Variants in ARHGEF37 observed in about 807,000 individuals in gnomAD.
ARHGEF37 encodes the protein Rho guanine nucleotide exchange factor 37, also known as Rho guanine nucleotide exchange factor (GEF) 37.
Under a neutral mutation model 71.1 loss-of-function variants are expected in ARHGEF37, and 55 were observed. The observed-to-expected ratio is 0.77, with a 90% CI of 0.62 to 0.97. The LOEUF (loss-of-function observed/expected upper bound fraction) is 0.97. Among genes scored for constraint, ARHGEF37 ranks in the 50% least tolerant of loss-of-function variants. ARHGEF37 has a pLI of 0.00. For missense variants in ARHGEF37, 765 were observed against 836.8 expected (o/e 0.91, Z 1.06); for synonymous variants, 327 against 350.6 (o/e 0.93, Z 0.75).
intron 2 of ARHGEF37, among the ~76,000 whole-genome samples, chr5:149,598,737 C>CATATATATATATATATAT (rs201234693): frequency 9.7e-4 from 101 of 104,582 alleles, no homozygotes; most frequent in Middle Eastern, 4.7e-3. Flanking sequence ...AAATAAATCT[C>CATATATATATATATATAT]ATATATATAT....
chr5:149,583,104 A>G (rs1763148767), intron 1 of ARHGEF37, among the ~76,000 whole-genome samples: 1 of 152,142 alleles, frequency 6.6e-6, no homozygotes, highest in South Asian at 2.1e-4. Context: ...CCTCTTTCAA[A>G]TGGGGTCAAC....
At chr5:149,618,614 G>A (rs1561805544) in intron 6 of ARHGEF37, among the ~76,000 whole-genome samples, 1 of 152,222 alleles carries the variant, frequency 6.6e-6, no homozygotes. Context: ...TGGAGTGCCT[G>A]CTCTGAAACC....
intron 1 of ARHGEF37, among the ~76,000 whole-genome samples, chr5:149,565,546 T>C (rs1202605944): frequency 6.6e-6 from 1 of 152,178 alleles, no homozygotes; most frequent in Non-Finnish European, 1.5e-5. Context: ...GACACTGAAA[T>C]ATACCTAGCC....
In ARHGEF37 at chr5:149,634,733, G is replaced by A. The variant is rs1752983002; in HGVS notation, c.*2542G>A. 6.6e-6 allele frequency: 1 copy of A among 152,552 alleles called. No individual in the cohort carries two copies. The allele number at this position is 152,552 out of a possible 1,614,324, so 9.4% of individuals were successfully genotyped here. A position where few individuals can be genotyped will look rare whatever the true frequency, so the allele number is the denominator to read the frequency against. On this transcript the variant is annotated 3_prime_UTR_variant, in exon 13 of 13. Coordinates refer to ENST00000333677, the MANE Select transcript of ARHGEF37 (RefSeq NM_001001669.3). ...TCATACTAAACTTGCAAAGATATTTGCCTATGAACTGAACAAGACTTCCAG... is the reference window on the plus strand; with the variant it reads ...TCATACTAAACTTGCAAAGATATTTACCTATGAACTGAACAAGACTTCCAG...
intron 3 of ARHGEF37, among the ~76,000 whole-genome samples, chr5:149,601,590 C>T (rs1011835165): frequency 2.6e-5 from 4 of 152,170 alleles, no homozygotes; most frequent in Non-Finnish European, 4.4e-5. Context: ...AGAGTCTGAG[C>T]TTCTATTCTC....
Position 149,609,664 on chromosome 5 carries a change from C to T in ARHGEF37, c.427C>T (p.Arg143Trp), listed in dbSNP as rs770631740. 1.4e-5 allele frequency: 23 copies of T among 1,612,466 alleles called. No homozygotes were observed. The East Asian group carries it at 2.2e-4, about 16-fold the overall frequency. ...DTYRKEPELQ[R>W]HIQGIVEAVV... ...GTACCGGAAGGAGCCGGAGCTGCAGCGGCACATCCAGGGCATCGTTGAGGC... is the reference window on the plus strand; with the variant it reads ...GTACCGGAAGGAGCCGGAGCTGCAGTGGCACATCCAGGGCATCGTTGAGGC... Residue 143 changes from arginine (R) to tryptophan (W), a missense_variant, in exon 4 of 13, where the codon CGG becomes TGG. Arg to Trp is a moderately radical substitution (Grantham distance 101, BLOSUM62 -3). Coordinates refer to ENST00000333677, the MANE Select transcript of ARHGEF37 (RefSeq NM_001001669.3).
chr5:149,594,510 C>G (rs1763492472), intron 1 of ARHGEF37, among the ~76,000 whole-genome samples: 1 of 152,238 alleles, frequency 6.6e-6, no homozygotes, highest in Non-Finnish European at 1.5e-5. Context: ...TTTATGTACT[C>G]TCCGATCTAT....
chr5:149,577,102 T>C (rs1232136185), upstream of ARHGEF37, among the ~76,000 whole-genome samples: 2 of 152,168 alleles, frequency 1.3e-5, no homozygotes, highest in African/African-American at 4.8e-5. Flanking sequence ...AGTAGTAGAC[T>C]TGGCTTCAAA....
At chr5:149,616,409 C>T (rs1334034628) in intron 4 of ARHGEF37, among the ~76,000 whole-genome samples, 158 bp from the exon 5 acceptor site, 1 of 152,164 alleles carries the variant, frequency 6.6e-6, no homozygotes, top group African/African-American at 2.4e-5. Flanking sequence ...ACATCTAGAA[C>T]TCACAAGTTA....
chr5:149,622,569 T>A (rs1175280301), intron 9 of ARHGEF37, among the ~76,000 whole-genome samples: 4 of 152,180 alleles, frequency 2.6e-5, no homozygotes, highest in Non-Finnish European at 5.9e-5. Flanking sequence ...ATACTCATTT[T>A]AAAAATAAAG....
In ARHGEF37 at chr5:149,616,618, G is replaced by A; in HGVS notation, c.510G>A (p.Gln170=). ...GLSFLLVIPL[Q]RITRYPLLLQ... ...GTTTCTTGCTGGTAATTCCTCTGCA[G>A]AGGATCACCAGGTACCCACTGCTGC... is the stretch of plus-strand genomic sequence containing the variant. Residue 170 remains glutamine (Q), a synonymous_variant, in exon 5 of 13, where the codon CAG becomes CAA. Transcript: ENST00000333677. 1 of 1,612,874 alleles carries A rather than the reference G, an allele frequency of 6.2e-7. No homozygotes were observed. The highest frequency in any genetic ancestry group is 8.5e-7 in the Non-Finnish European group (1 of 1,179,712).
At chr5:149,616,866 C>T (rs1752398057) in intron 5 of ARHGEF37, 100 bp downstream of exon 5, 2 of 1,217,580 alleles carry the variant, frequency 1.6e-6, no homozygotes, top group Middle Eastern at 2.0e-4. Context: ...AATGTAGTGG[C>T]TTATGTAACT....
In ARHGEF37 at chr5:149,575,339, CTG is replaced by C. The variant is rs1300006758; in HGVS notation, c.-11-22418_-11-22417del. Among the ~76,000 whole-genome samples, 5 of 152,354 alleles carry C rather than the reference CTG, an allele frequency of 3.3e-5. No individual in the cohort carries two copies. In the East Asian group the frequency reaches 5.8e-4, roughly 18 times the overall value. ...ATTTCCCTATAGAATTGCCAACTCC[CTG>C]TTGTAGCAGACACCGTTGGCTGCCT... On this transcript the variant is annotated intron_variant, in intron 1 of 2. Coordinates refer to the ARHGEF37 transcript ENST00000505810.
At chr5:149,595,571 A>C (rs2113298287) in intron 1 of ARHGEF37, among the ~76,000 whole-genome samples, 1 of 151,982 alleles carries the variant, frequency 6.6e-6, no homozygotes, top group Admixed American at 6.6e-5. Context: ...CCTGTATCTG[A>C]CTGGTTGGTT....
chr5:149,632,197 C>T lies in ARHGEF37; in HGVS notation c.*6C>T. On this transcript the variant is annotated 3_prime_UTR_variant, in exon 13 of 13. Coordinates refer to ENST00000333677, the MANE Select transcript of ARHGEF37 (RefSeq NM_001001669.3). Reference sequence around the variant, plus strand: ...GCTGGAGTCTGCCCTCTTAGGGTACCCTCTTTGGAGCCTACATTGCCAAAT... The same window carrying T: ...GCTGGAGTCTGCCCTCTTAGGGTACTCTCTTTGGAGCCTACATTGCCAAAT... The T allele has an allele frequency of 6.2e-7, 1 of 1,613,520 alleles. No individual in the cohort carries two copies. Among genetic ancestry groups the T allele is most frequent in the Admixed American group, 1.7e-5 (1 of 60,004 alleles).
intron 1 of ARHGEF37, among the ~76,000 whole-genome samples, chr5:149,567,860 T>C (rs1762915554): frequency 6.6e-6 from 1 of 152,204 alleles, no homozygotes; most frequent in Non-Finnish European, 1.5e-5. Context: ...TTCCTTTTAG[T>C]GGAGAGTGGT....
At chr5:149,573,623 T>C (rs1762995634) in intron 1 of ARHGEF37, among the ~76,000 whole-genome samples, 1 of 152,188 alleles carries the variant, frequency 6.6e-6, no homozygotes, top group Non-Finnish European at 1.5e-5. Flanking sequence ...TTTTATTGAC[T>C]TTACCTCCTT....
At chr5:149,605,999 C>T (rs1480026008) in intron 3 of ARHGEF37, among the ~76,000 whole-genome samples, 1 of 152,202 alleles carries the variant, frequency 6.6e-6, no homozygotes, top group Non-Finnish European at 1.5e-5. Context: ...AGGAAACAAG[C>T]CTTTCCTTTG....
chr5:149,599,415 C>T (rs903207133), intron 2 of ARHGEF37, among the ~76,000 whole-genome samples: 1 of 65,950 alleles, frequency 1.5e-5, no homozygotes, highest in African/African-American at 1.3e-4. Context: ...TCGGCTCACC[C>T]AGGAAAGCCC....
Sources: gnomAD v4.1 joint callset for allele counts (sites outside exome capture counted in the v4.1 genomes callset) on GRCh38, gnomAD v4.1.1 for gene constraint, MANE v1.5 for transcripts, NCBI Gene and HGNC (gene_info 2026-07-23, HGNC 2026-07-21) for gene names.